ATP2A1: variants seen among roughly 807,000 people sequenced by gnomAD.
ATP2A1 encodes ATPase sarcoplasmic/endoplasmic reticulum Ca2+ transporting 1, also known as sarcoplasmic/endoplasmic reticulum calcium ATPase 1.
A neutral mutation model predicts 109.5 loss-of-function variants in ATP2A1; 83 were observed. The observed-to-expected ratio is 0.76, with a 90% CI of 0.63 to 0.91. ATP2A1 has a LOEUF of 0.91. ATP2A1 is among the 40% of genes least tolerant of loss of function. ATP2A1 has a pLI of 0.00. For synonymous variants in ATP2A1, 505 were observed against 537.6 expected (o/e 0.94, Z 0.84); for missense variants, 1,101 against 1,341.0 (o/e 0.82, Z 2.80).
chr16:28,897,582 C>G (rs1420292619), intron 12 of ATP2A1, among the ~76,000 whole-genome samples: 1 of 152,124 alleles, frequency 6.6e-6, no homozygotes, highest in Non-Finnish European at 1.5e-5. Flanking sequence ...GCTTTGTCGC[C>G]CAGGCTGGAG....
At position 28,898,197 on chromosome 16, in the gene ATP2A1, A is replaced by T; in HGVS notation, c.1546-36A>T. 6.2e-7 allele frequency: 1 copy of T among 1,614,068 alleles called. No individual in the cohort carries two copies. Among genetic ancestry groups the T allele is most frequent in the African/African-American group, 1.3e-5 (1 of 75,038 alleles). ...GCCACCTGTCACTGCCCTGGAAGGA[A>T]AGTGGTGGTCTCTGAATGCTGTTCT... On this transcript the variant is annotated intron_variant, in intron 13 of 22. Coordinates refer to ENST00000395503, the MANE Select transcript of ATP2A1 (RefSeq NM_004320.6). The surrounding 1 kb of genome is among the most constrained non-coding windows in gnomAD (Gnocchi z 4.0).
chr16:28,890,920 C>G (rs1362999744), intron 9 of ATP2A1, among the ~76,000 whole-genome samples: 1 of 151,994 alleles, frequency 6.6e-6, no homozygotes, highest in East Asian at 2.0e-4. Flanking sequence ...CTCCTGACCT[C>G]AAGTGATCTG....
intron 1 of ATP2A1, 135 bp from the exon 2 acceptor site, chr16:28,878,963 GT>G (rs1268348267): frequency 7.2e-7 from 1 of 1,382,720 alleles, no homozygotes; most frequent in Admixed American, 1.7e-5. Flanking sequence ...GAGATCCAGA[GT>G]TTTGGGAGGT....
chr16:28,900,441 C>T (rs991631293), intron 14 of ATP2A1, 140 bp from the exon 15 acceptor site: 5 of 807,586 alleles, frequency 6.2e-6, no homozygotes, highest in East Asian at 2.7e-5. Context: ...GGCCCTGAGG[C>T]GGCAAGCCCA....
chr16:28,884,656 G>A lies in ATP2A1; in HGVS notation c.544+1G>A, dbSNP rs1389370558. The A allele has an allele frequency of 6.2e-7, 1 of 1,612,368 alleles. No homozygotes were observed. Among genetic ancestry groups the A allele is most frequent in the Non-Finnish European group, 8.5e-7 (1 of 1,179,454 alleles). On this transcript the variant is annotated splice_donor_variant, in intron 6 of 22. Coordinates refer to ENST00000395503, the MANE Select transcript of ATP2A1 (RefSeq NM_004320.6). LOFTEE classifies it high-confidence loss of function. ...CGGGTTGACCAGTCCATCCTGACAG[G>A]TCTGCTGGCCTGGGTGGGAAGATGC...
Position 28,887,524 on chromosome 16 carries a change from C to G in ATP2A1, c.730C>G (p.Gln244Glu), listed in dbSNP as rs1963647422. Reference sequence around the variant, plus strand: ...CCGAGACCAAATGGCTGCCACAGAACAGGACAAGACCCCCTTGCAGCAGAA... The same window carrying G: ...CCGAGACCAAATGGCTGCCACAGAAGAGGACAAGACCCCCTTGCAGCAGAA... ...KIRDQMAATE[Q>E]DKTPLQQKLD... The change falls in exon 8 of 23, where the codon CAG becomes GAG. Residue 244 changes from glutamine to glutamate, a missense_variant. Transcript: ENST00000395503. 6.2e-7 allele frequency: 1 copy of G among 1,614,046 alleles called. No homozygotes were observed. Among genetic ancestry groups the G allele is most frequent in the Non-Finnish European group, 8.5e-7 (1 of 1,180,012 alleles).
chr16:28,879,824 C>T lies in ATP2A1; in HGVS notation c.219+241C>T. On this transcript the variant is annotated intron_variant, in intron 3 of 22. Coordinates refer to ENST00000395503, the MANE Select transcript of ATP2A1 (RefSeq NM_004320.6). ...CTCAGCCAAAACACCGAAGCTAAGCCACCCTCGCGGCTTCAAGAGCTTGGA... is the reference window on the plus strand; with the variant it reads ...CTCAGCCAAAACACCGAAGCTAAGCTACCCTCGCGGCTTCAAGAGCTTGGA... 7.9e-6 allele frequency: 5 copies of T among 636,108 alleles called. No individual in the cohort carries two copies. In the South Asian group the frequency reaches 9.8e-5, roughly 12 times the overall value. 39.4% of individuals were successfully genotyped at this position (636,108 alleles called of 1,614,324 possible).
chr16:28,885,904 A>T (rs1963602458), intron 6 of ATP2A1, among the ~76,000 whole-genome samples: 1 of 152,110 alleles, frequency 6.6e-6, no homozygotes, highest in South Asian at 2.1e-4. Context: ...GGTGGCTCAT[A>T]CCTGTAATCC....
chr16:28,887,733 C>T lies in ATP2A1; in HGVS notation c.928+11C>T. On this transcript the variant is annotated intron_variant, in intron 8 of 22. Transcript: ENST00000395503. ...CTGCCATCCCCGAAGGTATGAAAGC[C>T]TTTCTTTTCTCCTCCCATTTGCTAA... 6.2e-7 allele frequency: 1 copy of T among 1,613,432 alleles called. No homozygotes were observed. Among genetic ancestry groups the T allele is most frequent in the Non-Finnish European group, 8.5e-7 (1 of 1,179,874 alleles).
intron 4 of ATP2A1, among the ~76,000 whole-genome samples, chr16:28,881,275 G>C (rs879553323): frequency 6.6e-6 from 1 of 152,166 alleles, no homozygotes; most frequent in Non-Finnish European, 1.5e-5. Flanking sequence ...AATGGGGCTA[G>C]CAATCCAGTG....
At chr16:28,899,739 T>C (rs1488072676) in intron 14 of ATP2A1, among the ~76,000 whole-genome samples, 1 of 142,358 alleles carries the variant, frequency 7.0e-6, no homozygotes, top group East Asian at 2.1e-4. Context: ...GCCTGGCAGA[T>C]CACTTGAGGT....
chr16:28,895,141 G>A (rs1469667973), intron 12 of ATP2A1, among the ~76,000 whole-genome samples, 188 bp downstream of exon 12: 3 of 152,240 alleles, frequency 2.0e-5, no homozygotes, highest in East Asian at 1.9e-4. Context: ...GCTGCCTGGC[G>A]GCCATGCCCT....
rs558059548 is a variant in ATP2A1 at position 28,888,962 on chromosome 16, C to T, written c.1095+9C>T. On this transcript the variant is annotated intron_variant, in intron 9 of 22. Transcript: ENST00000395503. ...AGATGTCTGTCTGCAAGGTCAGGAGCAGTGTGGGCAGCGCGCTCAGTCAGA... is the reference window on the plus strand; with the variant it reads ...AGATGTCTGTCTGCAAGGTCAGGAGTAGTGTGGGCAGCGCGCTCAGTCAGA... The T allele has an allele frequency of 6.2e-7, 1 of 1,613,994 alleles. No homozygotes were observed. The highest frequency in any genetic ancestry group is 1.1e-5 in the South Asian group (1 of 91,088).
chr16:28,892,053 GT>G (rs1441422849), intron 9 of ATP2A1, among the ~76,000 whole-genome samples: 2 of 152,268 alleles, frequency 1.3e-5, no homozygotes, highest in South Asian at 2.1e-4. Context: ...TAATTAGGGA[GT>G]TCTCGCAGTG....
chr16:28,899,156 C>T (rs913162320), intron 14 of ATP2A1, among the ~76,000 whole-genome samples: 2 of 152,224 alleles, frequency 1.3e-5, no homozygotes, highest in Non-Finnish European at 2.9e-5. Context: ...TTTTCTGTAG[C>T]AAGACTGTCT....
At chr16:28,885,279 A>C (rs947117463) in intron 6 of ATP2A1, among the ~76,000 whole-genome samples, 2 of 151,614 alleles carry the variant, frequency 1.3e-5, no homozygotes, top group African/African-American at 4.8e-5. Flanking sequence ...AAAACAAAAC[A>C]AAACCCAGCA....
rs1350360674 is a variant in ATP2A1, at chr16:28,898,454, A to ACTCC, written c.1764+3_1764+4insCTCC. 14 of 1,610,700 alleles carry ACTCC rather than the reference A, an allele frequency of 8.7e-6. No individual in the cohort carries two copies. Among genetic ancestry groups the ACTCC allele is most frequent in the Non-Finnish European group, 1.1e-5 (13 of 1,179,590 alleles). On this transcript the variant is annotated splice_donor_region_variant and intron_variant, in intron 14 of 22. Coordinates refer to ENST00000395503, the MANE Select transcript of ATP2A1 (RefSeq NM_004320.6). The surrounding 1 kb of genome is among the most constrained non-coding windows in gnomAD (Gnocchi z 4.0). ...CTGCCAGGTTCCTGGAGTATGAGGTAAGCAGCTGGGAGCCTCCCACTGTCG... is the reference window on the plus strand; with the variant it reads ...CTGCCAGGTTCCTGGAGTATGAGGTACTCCAGCAGCTGGGAGCCTCCCACTGTCG...
At position 28,903,004 on chromosome 16, in the gene ATP2A1, C is replaced by T. The variant is rs1964131375; in HGVS notation, c.2745-26C>T. 1 of 1,610,332 alleles carries T rather than the reference C, an allele frequency of 6.2e-7. No homozygotes were observed. The highest frequency in any genetic ancestry group is 8.5e-7 in the Non-Finnish European group (1 of 1,177,002). ...CCCACCTCCTTCCTCCTCACTGTGC[C>T]TTCTCCCTCCCCTTCCCCTCTGCAG... On this transcript the variant is annotated intron_variant, in intron 19 of 22. Coordinates refer to ENST00000395503, the MANE Select transcript of ATP2A1 (RefSeq NM_004320.6). This position sits in a 1 kb window ranked among gnomAD's most constrained non-coding sequence, Gnocchi z 5.6.
At chr16:28,894,988 C>G (rs368459062) in intron 12 of ATP2A1, 35 bp downstream of exon 12, 20 of 1,607,398 alleles carry the variant, frequency 1.2e-5, no homozygotes, top group Non-Finnish European at 1.7e-5. Context: ...AGGGCCGTCT[C>G]CACTCTATGC....
Sources: allele counts gnomAD v4.1 joint callset (sites outside exome capture counted in the v4.1 genomes callset), GRCh38; gene constraint gnomAD v4.1.1; non-coding constraint Gnocchi (gnomAD v3.1); transcripts MANE v1.5; gene names NCBI Gene and HGNC (gene_info 2026-07-23, HGNC 2026-07-21).